The following ADAMTSL1 variants were observed in gnomAD, a reference collection of about 807,000 sequenced individuals.
ADAMTSL1 encodes ADAMTS like 1.
A neutral mutation model predicts 201.8 loss-of-function variants in ADAMTSL1; 126 were observed. That is an observed-to-expected ratio of 0.62 (90% confidence interval 0.54 to 0.72). The LOEUF (loss-of-function observed/expected upper bound fraction) is 0.72. Ranked by LOEUF, ADAMTSL1 falls within the 30% of genes least tolerant of loss-of-function variation. The probability of loss-of-function intolerance (pLI) is 0.00; values close to 1 mark genes in which losing one functional copy is unlikely to be tolerated. For synonymous variants in ADAMTSL1, 1,121 were observed against 903.4 expected, an observed-to-expected ratio of 1.24 and a Z score of -4.32; for missense variants, 2,679 against 2,277.8, an observed-to-expected ratio of 1.18 and a Z score of -3.59.
At chr9:18,881,558 A>C (rs922545731) in intron 23 of ADAMTSL1, among the ~76,000 whole-genome samples, 6 of 152,224 alleles carry the variant, frequency 3.9e-5, no homozygotes, top group Admixed American at 1.3e-4. Flanking sequence ...CAAAACAATT[A>C]CAATAGTAAC....
chr9:18,308,627 C>G (rs569338134), intron 2 of ADAMTSL1, among the ~76,000 whole-genome samples: 1 of 152,104 alleles, frequency 6.6e-6, no homozygotes, highest in African/African-American at 2.4e-5. Flanking sequence ...CTTCCCCAGA[C>G]TAAACCAGGA....
Position 18,202,588 on chromosome 9 carries a change from C to T in ADAMTSL1, c.207+38607C>T, listed in dbSNP as rs181394337. Reference sequence around the variant, plus strand: ...CCAGCCCAACCTGTAGTTACTCCCTCATCTTCCAAGAGCCACGTGAAGGCT... The same window carrying T: ...CCAGCCCAACCTGTAGTTACTCCCTTATCTTCCAAGAGCCACGTGAAGGCT... On this transcript the variant is annotated intron_variant, in intron 2 of 29. Transcript: ENST00000680146. Among the ~76,000 whole-genome samples the T allele has an allele frequency of 2.6e-5, 4 of 152,342 alleles. No individual in the cohort carries two copies. In the East Asian group the frequency reaches 7.7e-4, roughly 29 times the overall value.
chr9:18,726,063 G>A (rs1378834870), intron 15 of ADAMTSL1, among the ~76,000 whole-genome samples: 5 of 152,094 alleles, frequency 3.3e-5, no homozygotes, highest in African/African-American at 7.2e-5. Flanking sequence ...TCTGAAATAG[G>A]ATCATAGTAG....
intron 26 of ADAMTSL1, among the ~76,000 whole-genome samples, chr9:18,901,006 C>T (rs1829986479): frequency 6.6e-6 from 1 of 152,172 alleles, no homozygotes; most frequent in African/African-American, 2.4e-5. Flanking sequence ...TCCCTCCCGT[C>T]TCTTACCATG....
intron 1 of ADAMTSL1, among the ~76,000 whole-genome samples, chr9:17,951,423 G>A (rs1442394114): frequency 6.6e-6 from 1 of 152,108 alleles, no homozygotes; most frequent in Non-Finnish European, 1.5e-5. Flanking sequence ...CCTCCCAAGT[G>A]GTTGTATTCT....
rs887172894 is a variant in ADAMTSL1 at position 18,622,674 on chromosome 9, C to T, written c.601+305C>T. On this transcript the variant is annotated intron_variant, in intron 5 of 28. Coordinates refer to ENST00000380548, the MANE Select transcript of ADAMTSL1 (RefSeq NM_001040272.6). ...GTCCAACATGAGGACAGACTGTATC[C>T]CAGCTCCTGCGTGATGTGTAGTGTG... 4 of 522,706 alleles carry T rather than the reference C, an allele frequency of 7.7e-6. No individual in the cohort carries two copies. In the African/African-American group the frequency reaches 7.7e-5, roughly 10 times the overall value. The allele number at this position is 522,706 out of a possible 1,614,324, so 32.4% of individuals were successfully genotyped here. A position where few individuals can be genotyped will look rare whatever the true frequency, so the allele number is the denominator to read the frequency against.
At chr9:18,693,945 GT>G (rs1003211733) in intron 13 of ADAMTSL1, among the ~76,000 whole-genome samples, 15 of 152,146 alleles carry the variant, frequency 9.9e-5, no homozygotes, top group African/African-American at 3.6e-4. Context: ...AGTAAAAGAG[GT>G]TTCATTGACT....
At chr9:18,264,353 C>T (rs1016455580) in intron 2 of ADAMTSL1, among the ~76,000 whole-genome samples, 8 of 151,976 alleles carry the variant, frequency 5.3e-5, no homozygotes, top group Non-Finnish European at 1.0e-4. Context: ...ACCTTATATC[C>T]GGAATTATTC....
At chr9:17,973,002 G>A (rs1422904500) in intron 1 of ADAMTSL1, among the ~76,000 whole-genome samples, 2 of 145,994 alleles carry the variant, frequency 1.4e-5, no homozygotes, top group Admixed American at 7.0e-5. Context: ...CCCACTTTTT[G>A]ATGGGGTTGT....
chr9:18,071,074 C>G (rs1019727507), intron 1 of ADAMTSL1, among the ~76,000 whole-genome samples: 2 of 152,024 alleles, frequency 1.3e-5, no homozygotes, highest in Non-Finnish European at 2.9e-5. Context: ...GGTCAAAGAT[C>G]AAGAATATAT....
chr9:18,637,052 T>A lies in ADAMTSL1; in HGVS notation c.676+1035T>A, dbSNP rs138805597. On this transcript the variant is annotated intron_variant, in intron 6 of 28. Coordinates refer to ENST00000380548, the MANE Select transcript of ADAMTSL1 (RefSeq NM_001040272.6). ...TAAAAGTCAAGATAGCCTACAGTAG[T>A]CTTTCTAGATATAAAAATAAATACA... Among the ~76,000 whole-genome samples, 1,108 of 151,954 alleles carry A rather than the reference T, an allele frequency of 7.3e-3. 9 individuals carry two copies. The highest frequency in any genetic ancestry group is 8.8e-3 in the Non-Finnish European group (599 of 68,014).
chr9:18,640,957 C>T (rs1827398970), intron 7 of ADAMTSL1, among the ~76,000 whole-genome samples: 1 of 152,028 alleles, frequency 6.6e-6, no homozygotes, highest in Non-Finnish European at 1.5e-5. Flanking sequence ...CTCACCTTCA[C>T]TCATTGCCTC....
At chr9:18,745,173 T>C (rs1442122117) in intron 15 of ADAMTSL1, among the ~76,000 whole-genome samples, 2 of 152,186 alleles carry the variant, frequency 1.3e-5, no homozygotes, top group African/African-American at 4.8e-5. Context: ...CCCACTAGAT[T>C]TAATATTGAT....
chr9:18,639,451 C>T (rs561777076), intron 7 of ADAMTSL1, 40 bp downstream of exon 7: 3 of 1,590,608 alleles, frequency 1.9e-6, no homozygotes, highest in Admixed American at 3.6e-5. Flanking sequence ...AGCCACATCC[C>T]AAATGATGTT....
chr9:18,473,097 TC>T (rs1319092423), upstream of ADAMTSL1, among the ~76,000 whole-genome samples: 7 of 152,278 alleles, frequency 4.6e-5, no homozygotes, highest in African/African-American at 1.7e-4. Context: ...TCCAAGGTCA[TC>T]CCATCCAACC....
intron 1 of ADAMTSL1, among the ~76,000 whole-genome samples, chr9:17,981,078 T>C (rs1818673303): frequency 6.6e-6 from 1 of 152,182 alleles, no homozygotes; most frequent in Non-Finnish European, 1.5e-5. Context: ...ATACTTCCCG[T>C]TAGGTCCTAC....
At chr9:18,316,793 T>TG (rs1834415916) in intron 2 of ADAMTSL1, among the ~76,000 whole-genome samples, 1 of 152,142 alleles carries the variant, frequency 6.6e-6, no homozygotes, top group Admixed American at 6.5e-5. Context: ...GGGTATTGAT[T>TG]GGGGAAGTGA....
At chr9:17,946,706 C>G (rs553422657) in intron 1 of ADAMTSL1, among the ~76,000 whole-genome samples, 5 of 152,098 alleles carry the variant, frequency 3.3e-5, no homozygotes, top group Non-Finnish European at 5.9e-5. Flanking sequence ...ATCTTTCATG[C>G]TATTTGAGGA....
rs1220102258 is a variant in ADAMTSL1 at position 17,999,694 on chromosome 9, G to A, written c.87+92772G>A. 3.3e-5 allele frequency among the ~76,000 whole-genome samples: 5 copies of A among 150,486 alleles called. No individual in the cohort carries two copies. The East Asian group carries it at 5.9e-4, about 18-fold the overall frequency. On this transcript the variant is annotated intron_variant, in intron 1 of 29. Transcript: ENST00000680146. ...ACGTATACATGTGCCATGCTGGTGC[G>A]CTGCACCCACTAACTCGTCATCTAG...
Sources: allele counts gnomAD v4.1 joint callset (sites outside exome capture counted in the v4.1 genomes callset), GRCh38; gene constraint gnomAD v4.1.1; transcripts MANE v1.5; gene names NCBI Gene and HGNC (gene_info 2026-07-23, HGNC 2026-07-21).